LRRC40: variants seen among roughly 807,000 people sequenced by gnomAD.
The protein encoded by LRRC40 is leucine-rich repeat-containing protein 40.
LRRC40 carries 76 observed loss-of-function variants against 72.8 expected under a neutral mutation model. The observed-to-expected ratio is 1.04, with a 90% CI of 0.87 to 1.26. The LOEUF (loss-of-function observed/expected upper bound fraction) is 1.26, where lower values mean the gene tolerates loss of function less well. LRRC40 is among the 50% of genes most tolerant of loss of function. The pLI is 0.00. For synonymous variants in LRRC40, 243 were observed against 254.2 expected (o/e 0.96, Z 0.42); for missense variants, 684 against 698.9 (o/e 0.98, Z 0.24).
intron 1 of LRRC40, 124 bp from the exon 2 acceptor site, chr1:70,189,397 A>G: frequency 1.3e-6 from 1 of 787,102 alleles, no homozygotes; most frequent in Non-Finnish European, 1.9e-6. Flanking sequence ...AACATTTTCT[A>G]AAACAAAAAA....
intron 9 of LRRC40, among the ~76,000 whole-genome samples, chr1:70,161,448 A>C (rs2100257066): frequency 6.7e-6 from 1 of 150,056 alleles, no homozygotes; most frequent in Admixed American, 6.7e-5. Context: ...GCTACTAGGG[A>C]GGCTGAGGCA....
At chr1:70,181,065 T>G (rs72678609) in intron 5 of LRRC40, 21 bp downstream of exon 5, 1 of 1,447,816 alleles carries the variant, frequency 6.9e-7, no homozygotes, top group African/African-American at 1.4e-5. Flanking sequence ...TTATGTATTA[T>G]GTAAAACAGA....
intron 1 of LRRC40, among the ~76,000 whole-genome samples, chr1:70,204,039 C>T (rs997768413): frequency 1.3e-5 from 2 of 152,194 alleles, no homozygotes; most frequent in African/African-American, 4.8e-5. Flanking sequence ...GGTTATATAA[C>T]AATAACCTAA....
chr1:70,169,508 G>A (rs1430188886), intron 9 of LRRC40, among the ~76,000 whole-genome samples: 2 of 152,120 alleles, frequency 1.3e-5, no homozygotes, highest in East Asian at 1.9e-4. Context: ...GAAACTAAAC[G>A]CTCATCCTTT....
intron 9 of LRRC40, among the ~76,000 whole-genome samples, chr1:70,168,858 A>G (rs903591363): frequency 7.2e-5 from 11 of 152,240 alleles, no homozygotes; most frequent in Non-Finnish European, 1.5e-5. Context: ...ATCATAAAAT[A>G]CTTTGAGATA....
chr1:70,155,990 T>C (rs1487513213), intron 10 of LRRC40, among the ~76,000 whole-genome samples, 194 bp from the exon 11 acceptor site: 1 of 152,062 alleles, frequency 6.6e-6, no homozygotes, highest in African/African-American at 2.4e-5. Context: ...AGACAACATA[T>C]TGTGTTATAA....
chr1:70,148,345 C>A, intron 14 of LRRC40, 142 bp downstream of exon 14: 1 of 688,744 alleles, frequency 1.5e-6, no homozygotes, highest in Non-Finnish European at 2.4e-6. Flanking sequence ...AATTGGGACT[C>A]TGGGTTTTGT....
intron 2 of LRRC40, among the ~76,000 whole-genome samples, 181 bp from the exon 3 acceptor site, chr1:70,187,519 G>A (rs1558125375): frequency 6.6e-6 from 1 of 151,942 alleles, no homozygotes; most frequent in Non-Finnish European, 1.5e-5. Flanking sequence ...ATGACCAAAC[G>A]GCTGTTCAGA....
chr1:70,161,693 G>C (rs1294373177), intron 9 of LRRC40, among the ~76,000 whole-genome samples: 2 of 152,266 alleles, frequency 1.3e-5, no homozygotes, highest in East Asian at 1.9e-4. Flanking sequence ...GAAGCAAATA[G>C]GCACTGATCA....
At chr1:70,149,830 C>T (rs1667423199) in intron 13 of LRRC40, among the ~76,000 whole-genome samples, 3 of 152,126 alleles carry the variant, frequency 2.0e-5, no homozygotes, top group African/African-American at 7.2e-5. Flanking sequence ...TAAACATATA[C>T]ACTTGTTATA....
At chr1:70,204,141 T>G (rs1179854050) in intron 1 of LRRC40, among the ~76,000 whole-genome samples, 1 of 152,194 alleles carries the variant, frequency 6.6e-6, no homozygotes, top group Non-Finnish European at 1.5e-5. Context: ...GTCTAGTCAA[T>G]AAGTACATTC....
At position 70,151,128 on chromosome 1, in the gene LRRC40, C is replaced by A. The variant is rs765156341; in HGVS notation, c.1517G>T (p.Arg506Met). 2 of 1,495,522 alleles carry A rather than the reference C, an allele frequency of 1.3e-6. No individual in the cohort carries two copies. Among genetic ancestry groups the A allele is most frequent in the African/African-American group, 2.8e-5 (2 of 72,308 alleles). 92.6% of individuals were successfully genotyped at this position (1,495,522 alleles called of 1,614,324 possible). A position where few individuals can be genotyped will look rare whatever the true frequency, so the allele number is the denominator to read the frequency against. The change falls in exon 13 of 15, where the codon AGG becomes ATG. Residue 506 changes from arginine to methionine, a missense_variant and splice_region_variant. Transcript: ENST00000370952. ...CAATTAGAATTGTCTGTTCTCTTAC[C>A]TATTAAAGGAAAGATTGATCGTTTG... ...RLQTINLSFN[R>M]FKMLPEVLYR...
intron 2 of LRRC40, 70 bp from the exon 3 acceptor site, chr1:70,187,408 G>A (rs1668384689): frequency 2.7e-6 from 2 of 751,308 alleles, no homozygotes; most frequent in African/African-American, 3.6e-5. Flanking sequence ...CTTTGCCAGT[G>A]TACAAAACTA....
intron 1 of LRRC40, among the ~76,000 whole-genome samples, chr1:70,196,098 A>T (rs957610565): frequency 4.6e-5 from 7 of 151,916 alleles, no homozygotes; most frequent in African/African-American, 1.7e-4. Flanking sequence ...GACCTACGAA[A>T]TGTTTCTTTC....
rs771490240 is a variant in LRRC40 at position 70,155,696 on chromosome 1, G to T, written c.1321C>A (p.Pro441Thr). The change falls in exon 11 of 15, where the codon CCA (proline) becomes ACA (threonine). Residue 441 changes from proline (P) to threonine (T), a missense_variant. Physicochemically the swap from Pro to Thr is conservative, Grantham distance 38. Transcript: ENST00000370952. ...NFSKNQLCEI[P>T]KRMVELKEMV... ...TGGCATCATAGTTCTTACCTTTTTG[G>T]AATTTCACATAGTTGATTCTTACTG... 1.3e-6 allele frequency: 2 copies of T among 1,505,008 alleles called. No homozygotes were observed. Among genetic ancestry groups the T allele is most frequent in the South Asian group, 2.6e-5 (2 of 76,282 alleles). The allele number at this position is 1,505,008 out of a possible 1,614,324, so 93.2% of individuals were successfully genotyped here.
intron 6 of LRRC40, among the ~76,000 whole-genome samples, chr1:70,178,160 A>G (rs966916130): frequency 2.0e-5 from 3 of 152,058 alleles, no homozygotes; most frequent in Non-Finnish European, 1.5e-5. Context: ...CAGATTTTCA[A>G]CTCCATGGGG....
rs758723638 is a variant in LRRC40 at position 70,189,160 on chromosome 1, T to G, written c.265A>C (p.Ile89Leu). 6.2e-7 allele frequency: 1 copy of G among 1,613,780 alleles called. No homozygotes were observed. The highest frequency in any genetic ancestry group is 8.5e-7 in the Non-Finnish European group (1 of 1,179,942). The stretch of plus-strand genomic sequence containing the variant: ...AGTGACTGAAGTTTATTGTTTGATA[T>G]TATTAGTTTGGTCAAATCTGTCTGC... ...WEQTDLTKLI[I>L]SNNKLQSLTD... Residue 89 changes from isoleucine (I) to leucine (L), a missense_variant, in exon 2 of 15, where the codon ATA becomes CTA. Ile to Leu is a conservative substitution (Grantham distance 5). Transcript: ENST00000370952.
chr1:70,155,765 C>T lies in LRRC40; in HGVS notation c.1252G>A (p.Val418Met), dbSNP rs1038811438. 6.4e-7 allele frequency: 1 copy of T among 1,573,420 alleles called. No homozygotes were observed. The highest frequency in any genetic ancestry group is 8.7e-7 in the Non-Finnish European group (1 of 1,153,800). The change falls in exon 11 of 15, where the codon GTG (valine) becomes ATG (methionine). Residue 418 changes from valine (V) to methionine (M), a missense_variant. Val to Met is a conservative substitution (Grantham distance 21). Transcript: ENST00000370952. ...DKQATLIPDE[V>M]FDAVKSNIVT... ...ATGTTGCTTTTTACTGCATCAAACACCTCATCAGGAATCAAAGTTGCTTGT... is the reference window on the plus strand; with the variant it reads ...ATGTTGCTTTTTACTGCATCAAACATCTCATCAGGAATCAAAGTTGCTTGT...
rs762238317 is a variant in LRRC40, at chr1:70,159,380, T to C, written c.1170A>G (p.Glu390=). Residue 390 remains glutamate (E), a synonymous_variant, in exon 10 of 15, where the codon GAA becomes GAG. Coordinates refer to ENST00000370952, the MANE Select transcript of LRRC40 (RefSeq NM_017768.5). ...TGATGGCATGTATATTGACTCTGGATTCACTTGGTAGTGTCATGGCAGTCT... is the reference window on the plus strand; with the variant it reads ...TGATGGCATGTATATTGACTCTGGACTCACTTGGTAGTGTCATGGCAGTCT... ...ATETAMTLPS[E]SRVNIHAIIT... The C allele has an allele frequency of 2.5e-6, 4 of 1,596,340 alleles. No homozygotes were observed. The highest frequency in any genetic ancestry group is 1.7e-4 in the Middle Eastern group (1 of 6,008).
Sources: allele counts gnomAD v4.1 joint callset (sites outside exome capture counted in the v4.1 genomes callset), GRCh38; gene constraint gnomAD v4.1.1; transcripts MANE v1.5; gene names NCBI Gene and HGNC (gene_info 2026-07-23, HGNC 2026-07-21).